MEGF6: variants seen among roughly 807,000 people sequenced by gnomAD.
MEGF6 encodes multiple epidermal growth factor-like domains protein 6.
In MEGF6, 184 loss-of-function variants were observed where a neutral mutation model predicts 207.1. The ratio of observed to expected loss-of-function variants is 0.89; its 90% CI spans 0.79 to 1.00. MEGF6 has a LOEUF of 1.00. Ranked by LOEUF, MEGF6 falls within the 50% of genes least tolerant of loss-of-function variation. MEGF6 has a pLI of 0.00. For missense variants in MEGF6, 2,282 were observed against 2,202.9 expected (o/e 1.04, Z -0.72); for synonymous variants, 1,038 against 910.0 (o/e 1.14, Z -2.53).
intron 4 of MEGF6, among the ~76,000 whole-genome samples, chr1:3,552,611 C>T (rs1437167351): frequency 1.3e-5 from 2 of 152,214 alleles, no homozygotes; most frequent in East Asian, 1.9e-4. Context: ...GGAGGATCGA[C>T]GGCCTGAGCC....
intron 30 of MEGF6, 122 bp downstream of exon 30, chr1:3,495,768 G>T: frequency 1.6e-6 from 2 of 1,256,626 alleles, no homozygotes; most frequent in Non-Finnish European, 2.2e-6. Flanking sequence ...CAAGTGGGGA[G>T]CTGGTGGCAG....
chr1:3,534,875 C>T (rs1041913230), intron 4 of MEGF6, among the ~76,000 whole-genome samples: 1 of 152,152 alleles, frequency 6.6e-6, no homozygotes, highest in African/African-American at 2.4e-5. Flanking sequence ...GGCCACCACT[C>T]CAGCCCCTCC....
rs774154218 is a variant in MEGF6, at chr1:3,492,716, C to T, written c.4439G>A (p.Gly1480Glu). ...GACAGGGTCGCAGTCAGCCCCACCC[C>T]CGCAGTCACAGTGCAGGGTGCAGCT... ...GPSCTLHCDC[G>E]GGADCDPVSG... The change falls in exon 35 of 37, where the codon GGG becomes GAG. Residue 1480 changes from glycine to glutamate, a missense_variant. Coordinates refer to ENST00000356575, the MANE Select transcript of MEGF6 (RefSeq NM_001409.4). 4.7e-5 allele frequency: 76 copies of T among 1,612,498 alleles called. No homozygotes were observed. The Admixed American group carries it at 1.2e-3, about 26-fold the overall frequency.
Position 3,500,700 on chromosome 1 carries a change from C to T in MEGF6, c.2640G>A (p.Gly880=), listed in dbSNP as rs1444910057. ...ACAGGCCGCTGATGGCATCACAGCT[C>T]CCGTGGCCAGCGCTGCAGTTGCAGG... ...SHPCNCSAGH[G]SCDAISGLCL... The change falls in exon 21 of 37, where the codon GGG becomes GGA. Residue 880 remains glycine (G), a synonymous_variant. Coordinates refer to ENST00000356575, the MANE Select transcript of MEGF6 (RefSeq NM_001409.4). 1 of 1,586,220 alleles carries T rather than the reference C, an allele frequency of 6.3e-7. No individual in the cohort carries two copies. The highest frequency in any genetic ancestry group is 1.8e-5 in the Admixed American group (1 of 56,342).
In MEGF6 at chr1:3,584,663, C is replaced by T. The variant is rs139704771; in HGVS notation, c.377-4734G>A. 5.1e-4 allele frequency among the ~76,000 whole-genome samples: 78 copies of T among 152,372 alleles called. 1 individual carries two copies. The East Asian group carries it at 0.014, about 28-fold the overall frequency. On this transcript the variant is annotated intron_variant, in intron 3 of 36. Transcript: ENST00000356575. ...GGCAGGCCCACGTCCCCTCACCATG[C>T]ACCAGCAGAAACCTCCAGGGGACAG...
At position 3,611,312 on chromosome 1, in the gene MEGF6, C is replaced by A; in HGVS notation, c.-44G>T. 1 of 1,405,682 alleles carries A rather than the reference C, an allele frequency of 7.1e-7. No individual in the cohort carries two copies. The allele number at this position is 1,405,682 out of a possible 1,614,324, so 87.1% of individuals were successfully genotyped here. On this transcript the variant is annotated 5_prime_UTR_variant, in exon 1 of 37. Transcript: ENST00000356575. The stretch of plus-strand genomic sequence containing the variant: ...CTCCGCTCTCCGGCTCACAGGCGGC[C>A]CCGGCGGCTCCCCGGAGCCTCCGCC...
chr1:3,546,140 T>C (rs1642696228), intron 4 of MEGF6, among the ~76,000 whole-genome samples: 2 of 151,804 alleles, frequency 1.3e-5, no homozygotes, highest in Admixed American at 1.3e-4. Flanking sequence ...GGCAAAGGAG[T>C]GTGAGTGGGA....
chr1:3,607,236 C>G (rs909137067), intron 1 of MEGF6, among the ~76,000 whole-genome samples: 5 of 152,070 alleles, frequency 3.3e-5, no homozygotes, highest in Non-Finnish European at 7.4e-5. Flanking sequence ...CAACCCCACC[C>G]TGGACCACCC....
In MEGF6 at chr1:3,543,307, C is replaced by T. The variant is rs77549535; in HGVS notation, c.482-19061G>A. ...ACTGCCCTGCCAGGGGTCCCCAGGC[C>T]CTGCGGGTGACCAAGCAACGCGGCC... On this transcript the variant is annotated intron_variant, in intron 4 of 36. Coordinates refer to ENST00000356575, the MANE Select transcript of MEGF6 (RefSeq NM_001409.4). Among the ~76,000 whole-genome samples, 353 of 152,366 alleles carry T rather than the reference C, an allele frequency of 2.3e-3. 1 individual carries two copies. The highest frequency in any genetic ancestry group is 8.2e-3 in the African/African-American group (341 of 41,596).
chr1:3,548,667 G>A (rs559204838), intron 4 of MEGF6, among the ~76,000 whole-genome samples: 1 of 152,310 alleles, frequency 6.6e-6, no homozygotes, highest in East Asian at 1.9e-4. Flanking sequence ...GTGGCTGGGA[G>A]GGCGGTGTCC....
At chr1:3,498,914 T>G (rs1004963242) in intron 24 of MEGF6, 88 bp from the exon 25 acceptor site, 2 of 1,503,058 alleles carry the variant, frequency 1.3e-6, no homozygotes, top group African/African-American at 2.8e-5. Flanking sequence ...ATGTTGGACT[T>G]TGGGGTCAGG....
intron 4 of MEGF6, among the ~76,000 whole-genome samples, chr1:3,561,981 C>A (rs1643215127): frequency 2.0e-5 from 3 of 152,232 alleles, no homozygotes; most frequent in African/African-American, 7.2e-5. Context: ...CCCTCCGTGG[C>A]CGAGTTCCTG....
Position 3,500,837 on chromosome 1 carries a change from AG to A in MEGF6, c.2576-74del. ...CGGGCACCACAGCCGAGTCAGGCAC[AG>A]GGGCGTCTCAGGACTGGGGCAAGGC... On this transcript the variant is annotated intron_variant, in intron 20 of 36. Coordinates refer to ENST00000356575, the MANE Select transcript of MEGF6 (RefSeq NM_001409.4). The A allele has an allele frequency of 1.9e-6, 3 of 1,593,450 alleles. No individual in the cohort carries two copies. In the South Asian group the frequency reaches 3.4e-5, roughly 18 times the overall value.
At chr1:3,508,739 G>A (rs759832122) in intron 12 of MEGF6, 50 bp from the exon 13 acceptor site, 3 of 1,599,432 alleles carry the variant, frequency 1.9e-6, no homozygotes, top group Non-Finnish European at 1.7e-6. Flanking sequence ...CCTGGCCTCA[G>A]CAGGCACAGA....
intron 35 of MEGF6, 116 bp from the exon 36 acceptor site, chr1:3,491,075 G>A (rs540778436): frequency 5.9e-5 from 49 of 830,322 alleles, no homozygotes; most frequent in Non-Finnish European, 5.0e-5. Context: ...CCCCCGCACA[G>A]TCTCCTTCCC....
Position 3,500,765 on chromosome 1 carries a change from C to T in MEGF6, c.2576-1G>A. 1 of 1,605,570 alleles carries T rather than the reference C, an allele frequency of 6.2e-7. No homozygotes were observed. The highest frequency in any genetic ancestry group is 8.5e-7 in the Non-Finnish European group (1 of 1,176,514). On this transcript the variant is annotated splice_acceptor_variant, in intron 20 of 36. Coordinates refer to ENST00000356575, the MANE Select transcript of MEGF6 (RefSeq NM_001409.4). LOFTEE classifies it high-confidence loss of function. ...GGTCCCCAGTGCCCAGTATCACAGGCTGCAACAGAACTCAGGGTCACCCGG... is the reference window on the plus strand; with the variant it reads ...GGTCCCCAGTGCCCAGTATCACAGGTTGCAACAGAACTCAGGGTCACCCGG...
rs1377059287 is a variant in MEGF6, at chr1:3,494,598, G to T, written c.4000+15C>A. ...CTGAGGGGATGCTGGGGTCCCGCTG[G>T]CCCCGCACACTCACCCAGCTCGCAG... On this transcript the variant is annotated intron_variant, in intron 31 of 36. Coordinates refer to ENST00000356575, the MANE Select transcript of MEGF6 (RefSeq NM_001409.4). 1 of 1,560,708 alleles carries T rather than the reference G, an allele frequency of 6.4e-7. No individual in the cohort carries two copies. The highest frequency in any genetic ancestry group is 1.4e-5 in the African/African-American group (1 of 73,766).
At chr1:3,519,849 TG>T (rs2101134768) in intron 5 of MEGF6, among the ~76,000 whole-genome samples, 1 of 152,202 alleles carries the variant, frequency 6.6e-6, no homozygotes, top group African/African-American at 2.4e-5. Context: ...GACCCAGGCC[TG>T]GGTAGGGAAG....
intron 11 of MEGF6, 59 bp from the exon 12 acceptor site, chr1:3,509,304 C>G (rs1022826487): frequency 7.3e-7 from 1 of 1,374,260 alleles, no homozygotes; most frequent in African/African-American, 1.5e-5. Flanking sequence ...TCCAGCGACC[C>G]CCCGGCGGGT....
Sources: allele counts gnomAD v4.1 joint callset (sites outside exome capture counted in the v4.1 genomes callset), GRCh38; gene constraint gnomAD v4.1.1; transcripts MANE v1.5; gene names NCBI Gene and HGNC (gene_info 2026-07-23, HGNC 2026-07-21).